Variants in SH2D4B observed in about 807,000 individuals in gnomAD.
SH2D4B encodes the protein SH2 domain-containing protein 4B.
A neutral mutation model predicts 61.5 loss-of-function variants in SH2D4B; 45 were observed. That is an observed-to-expected ratio of 0.73 (90% CI 0.58 to 0.94). SH2D4B has a LOEUF of 0.94. Among genes scored for constraint, SH2D4B ranks in the 40% least tolerant of loss-of-function variants. The probability of loss-of-function intolerance (pLI) is 0.00; values close to 1 mark genes in which losing one functional copy is unlikely to be tolerated. For synonymous variants in SH2D4B, 224 were observed against 220.4 expected (o/e 1.02, Z -0.14); for missense variants, 572 against 574.2 (o/e 1.00, Z 0.04).
chr10:80,579,571 T>C (rs912600730), intron 3 of SH2D4B, among the ~76,000 whole-genome samples: 2 of 152,064 alleles, frequency 1.3e-5, no homozygotes, highest in Non-Finnish European at 2.9e-5. Context: ...CTTCCTTCTC[T>C]GCTTGCAATC....
intron 6 of SH2D4B, 86 bp from the exon 7 acceptor site, chr10:80,634,199 G>A (rs934892624): frequency 2.1e-6 from 3 of 1,451,376 alleles, no homozygotes; most frequent in African/African-American, 2.9e-5. Context: ...GAGCCACAGG[G>A]TGAGGGGCAG....
chr10:80,555,533 G>A (rs1841822424), intron 1 of SH2D4B, among the ~76,000 whole-genome samples: 1 of 152,154 alleles, frequency 6.6e-6, no homozygotes, highest in South Asian at 2.1e-4. Flanking sequence ...ATGCCTCTCA[G>A]TTTGAATTCC....
chr10:80,570,468 C>T, intron 2 of SH2D4B, 152 bp downstream of exon 2: 1 of 886,640 alleles, frequency 1.1e-6, no homozygotes, highest in Non-Finnish European at 1.7e-6. Context: ...GAGCCACCCG[C>T]TTCGGCCTCC....
chr10:80,635,084 C>T (rs570139750), intron 7 of SH2D4B, among the ~76,000 whole-genome samples: 9 of 152,280 alleles, frequency 5.9e-5, no homozygotes, highest in African/African-American at 1.7e-4. Context: ...ATACTTAGCT[C>T]GGACCCTGTG....
intron 1 of SH2D4B, among the ~76,000 whole-genome samples, chr10:80,550,359 T>C (rs1204191794): frequency 1.3e-5 from 2 of 152,074 alleles, no homozygotes; most frequent in African/African-American, 2.4e-5. Flanking sequence ...TTTGGGAGGC[T>C]GAGGTGGGCG....
intron 1 of SH2D4B, among the ~76,000 whole-genome samples, chr10:80,566,526 C>T (rs1305218558): frequency 6.6e-6 from 1 of 152,076 alleles, no homozygotes; most frequent in African/African-American, 2.4e-5. Context: ...GAACTCCTGA[C>T]CTCAGGTGAT....
At chr10:80,557,763 C>A (rs770640023) in intron 1 of SH2D4B, among the ~76,000 whole-genome samples, 1 of 152,100 alleles carries the variant, frequency 6.6e-6, no homozygotes, top group Non-Finnish European at 1.5e-5. Flanking sequence ...TTATCAATTT[C>A]GCCAGTGGCT....
At chr10:80,545,812 G>A (rs759815832) in intron 1 of SH2D4B, among the ~76,000 whole-genome samples, 14 of 152,254 alleles carry the variant, frequency 9.2e-5, no homozygotes, top group Non-Finnish European at 1.8e-4. Flanking sequence ...GCTGTGTGCT[G>A]CACGATGTGA....
intron 1 of SH2D4B, among the ~76,000 whole-genome samples, chr10:80,564,738 T>C (rs1464542731): frequency 6.6e-6 from 1 of 152,238 alleles, no homozygotes; most frequent in African/African-American, 2.4e-5. Flanking sequence ...TGTCAAACAA[T>C]TTGGCCAAAA....
intron 6 of SH2D4B, among the ~76,000 whole-genome samples, chr10:80,622,551 T>C (rs1047783417): frequency 6.6e-6 from 1 of 152,192 alleles, no homozygotes; most frequent in African/African-American, 2.4e-5. Context: ...GGGTCTATAC[T>C]TTCTCTTTCT....
chr10:80,599,439 C>T (rs555438007), intron 4 of SH2D4B, among the ~76,000 whole-genome samples: 1 of 152,226 alleles, frequency 6.6e-6, no homozygotes, highest in East Asian at 1.9e-4. Flanking sequence ...CCCATGTGGC[C>T]GATTAGTGTC....
chr10:80,570,468 C>CTT, intron 2 of SH2D4B, 152 bp downstream of exon 2: 1 of 886,640 alleles, frequency 1.1e-6, no homozygotes, highest in Non-Finnish European at 1.7e-6. Context: ...GAGCCACCCG[C>CTT]TTCGGCCTCC....
At chr10:80,569,696 G>A (rs1842014523) in intron 1 of SH2D4B, among the ~76,000 whole-genome samples, 1 of 151,606 alleles carries the variant, frequency 6.6e-6, no homozygotes, top group African/African-American at 2.4e-5. Context: ...TTGTCTCCTG[G>A]GGGGTTCGTT....
chr10:80,551,297 GC>G (rs1458246719), intron 1 of SH2D4B, among the ~76,000 whole-genome samples: 1 of 152,032 alleles, frequency 6.6e-6, no homozygotes, highest in Admixed American at 6.6e-5. Flanking sequence ...CTCGTGATCT[GC>G]CTGCCTCGGC....
intron 1 of SH2D4B, among the ~76,000 whole-genome samples, chr10:80,569,253 G>A (rs914265488): frequency 6.6e-6 from 1 of 152,164 alleles, no homozygotes; most frequent in African/African-American, 2.4e-5. Context: ...TGGACATGAG[G>A]CAGAGAGTGC....
chr10:80,621,711 A>G (rs1378043715), intron 6 of SH2D4B, among the ~76,000 whole-genome samples: 1 of 152,146 alleles, frequency 6.6e-6, no homozygotes, highest in African/African-American at 2.4e-5. Flanking sequence ...TAGCACATCT[A>G]CTGCTGATGG....
chr10:80,605,084 C>A (rs572338062), intron 5 of SH2D4B, among the ~76,000 whole-genome samples: 1 of 152,130 alleles, frequency 6.6e-6, no homozygotes, highest in African/African-American at 2.4e-5. Context: ...TGAGCCACTG[C>A]GTCCGGCTCT....
chr10:80,637,303 G>A (rs375145439), intron 7 of SH2D4B, among the ~76,000 whole-genome samples: 12 of 152,030 alleles, frequency 7.9e-5, no homozygotes, highest in East Asian at 1.9e-4. Context: ...ACTTTAAAGT[G>A]GTTTTTTCCA....
chr10:80,568,224 T>A (rs1279482421), intron 1 of SH2D4B, among the ~76,000 whole-genome samples: 1 of 152,070 alleles, frequency 6.6e-6, no homozygotes, highest in Non-Finnish European at 1.5e-5. Context: ...ATGGGATTAA[T>A]CATGCAAGGG....
Sources: gnomAD v4.1 joint callset for allele counts (sites outside exome capture counted in the v4.1 genomes callset) on GRCh38, gnomAD v4.1.1 for gene constraint, MANE v1.5 for transcripts, NCBI Gene and HGNC (gene_info 2026-07-23, HGNC 2026-07-21) for gene names.